The following IGSF9 variants were observed in gnomAD, a reference collection of about 807,000 sequenced individuals.
The protein encoded by IGSF9 is protein turtle homolog A.
A neutral mutation model predicts 121.7 loss-of-function variants in IGSF9; 87 were observed. The ratio of observed to expected loss-of-function variants is 0.71; its 90% CI spans 0.60 to 0.85. The LOEUF (loss-of-function observed/expected upper bound fraction) is 0.85. IGSF9 is among the 40% of genes least tolerant of loss of function. The probability of loss-of-function intolerance (pLI) is 0.00; values close to 1 mark genes in which losing one functional copy is unlikely to be tolerated. For synonymous variants in IGSF9, 640 were observed against 648.4 expected, an observed-to-expected ratio of 0.99 and a Z score of 0.20; for missense variants, 1,462 against 1,565.3, an observed-to-expected ratio of 0.93 and a Z score of 1.11.
intron 3 of IGSF9, among the ~76,000 whole-genome samples, chr1:159,940,695 A>G (rs1288611102): frequency 6.6e-6 from 1 of 152,266 alleles, no homozygotes; most frequent in Non-Finnish European, 1.5e-5. Flanking sequence ...GTGACTGGGC[A>G]GAGGATTAAG....
intron 3 of IGSF9, among the ~76,000 whole-genome samples, chr1:159,939,865 T>C (rs1430993714): frequency 6.6e-6 from 1 of 151,912 alleles, no homozygotes; most frequent in Non-Finnish European, 1.5e-5. Flanking sequence ...GCCCAGCGGG[T>C]AAATATTTAA....
Position 159,931,837 on chromosome 1 carries a change from G to C in IGSF9, c.1337C>G (p.Pro446Arg). The change falls in exon 11 of 21, where the codon CCT (proline) becomes CGT (arginine). Residue 446 changes from proline to arginine, a missense_variant. Physicochemically the swap from Pro to Arg is moderately radical, Grantham distance 103. Transcript: ENST00000368094. The surrounding 1 kb of genome is among the most constrained non-coding windows in gnomAD (Gnocchi z 4.8). ...LLIPCSAQGD[P>R]PPVVSWTKVG... ...CTTGGTCCAAGAGACAACAGGAGGAGGGTCCCCTTGGGCGGAGCAGGGGAT... is the reference window on the plus strand; with the variant it reads ...CTTGGTCCAAGAGACAACAGGAGGACGGTCCCCTTGGGCGGAGCAGGGGAT... The C allele has an allele frequency of 6.3e-7, 1 of 1,588,440 alleles. No individual in the cohort carries two copies. Among genetic ancestry groups the C allele is most frequent in the Non-Finnish European group, 8.6e-7 (1 of 1,169,296 alleles).
At chr1:159,927,965 G>T in intron 19 of IGSF9, 78 bp from the exon 20 acceptor site, 1 of 1,545,144 alleles carries the variant, frequency 6.5e-7, no homozygotes, top group South Asian at 1.2e-5. Flanking sequence ...TGAATTCAGC[G>T]ACCGCAAACT....
In IGSF9 at chr1:159,943,407, C is replaced by A; in HGVS notation, c.48G>T (p.Gln16His). The A allele has an allele frequency of 1.3e-6, 2 of 1,588,666 alleles. No individual in the cohort carries two copies. Among genetic ancestry groups the A allele is most frequent in the East Asian group, 2.3e-5 (1 of 44,000 alleles). Residue 16 changes from glutamine to histidine, a missense_variant, in exon 2 of 21, where the codon CAG becomes CAT. Gln to His is a conservative substitution (Grantham distance 24, BLOSUM62 0). Coordinates refer to ENST00000368094, the MANE Select transcript of IGSF9 (RefSeq NM_001135050.2). ...AAGAGCTCAGCTTACCGTCAGCCCCCTGGCTGATGACCAGGCTGAGGACGG... is the reference window on the plus strand; with the variant it reads ...AAGAGCTCAGCTTACCGTCAGCCCCATGGCTGATGACCAGGCTGAGGACGG... ...GLAVLSLVIS[Q>H]GADGRGKPEV...
rs1557935421 is a variant in IGSF9 at position 159,936,746 on chromosome 1, G to C, written c.555+8C>G. The C allele has an allele frequency of 6.2e-7, 1 of 1,613,970 alleles. No individual in the cohort carries two copies. The highest frequency in any genetic ancestry group is 8.5e-7 in the Non-Finnish European group (1 of 1,179,920). ...ATATGGCTCACTCTGTCCACCCCCA[G>C]GACTCACTTGCACCTGGCCCTGGCC... On this transcript the variant is annotated splice_region_variant and intron_variant, in intron 5 of 20. Coordinates refer to ENST00000368094, the MANE Select transcript of IGSF9 (RefSeq NM_001135050.2).
rs559603684 is a variant in IGSF9 at position 159,929,812 on chromosome 1, G to A, written c.2152C>T (p.Leu718=). 1.9e-6 allele frequency: 3 copies of A among 1,604,094 alleles called. No individual in the cohort carries two copies. Among genetic ancestry groups the A allele is most frequent in the Non-Finnish European group, 1.7e-6 (2 of 1,176,202 alleles). The change falls in exon 17 of 21, where the codon CTG becomes TTG. Residue 718 remains leucine, a splice_region_variant and synonymous_variant. Coordinates refer to ENST00000368094, the MANE Select transcript of IGSF9 (RefSeq NM_001135050.2). The part of the protein sequence containing the change: ...SNTANVSTSG[L]EVYPSRTQLP... ...TGCGTGCGCGAAGGGTAGACCTCCA[G>A]ACCTAGGCAGGGGTCCACGAGGGAG... is the stretch of plus-strand genomic sequence containing the variant.
rs1650938389 is a variant in IGSF9 at position 159,930,177 on chromosome 1, TTTCG to T, written c.2064+8_2064+11del. 6.3e-7 allele frequency: 1 copy of T among 1,595,894 alleles called. No homozygotes were observed. The highest frequency in any genetic ancestry group is 2.2e-5 in the East Asian group (1 of 44,594). ...CTAGGAGGCCTCTCTCTGTATCGCC[TTTCG>T]CACATACCTTGATGAGGCCTGGCAC... On this transcript the variant is annotated splice_region_variant and intron_variant, in intron 15 of 20. Transcript: ENST00000368094.
chr1:159,927,711 T>C, intron 20 of IGSF9, 49 bp downstream of exon 20: 2 of 1,598,138 alleles, frequency 1.3e-6, no homozygotes, highest in Non-Finnish European at 8.5e-7. Context: ...GGCGGGGGGA[T>C]GTGGGACAGT....
intron 3 of IGSF9, among the ~76,000 whole-genome samples, chr1:159,939,664 A>G (rs901160125): frequency 1.3e-5 from 2 of 152,224 alleles, no homozygotes; most frequent in African/African-American, 4.8e-5. Context: ...TTCTACCTCT[A>G]GAGTGATCTG....
At chr1:159,938,603 A>G (rs6703466) in intron 3 of IGSF9, among the ~76,000 whole-genome samples, 62,615 of 152,036 alleles carry the variant, frequency 0.41, 13,007 homozygotes, top group East Asian at 0.46. Flanking sequence ...GGATGCAACT[A>G]TGCACCCCAG....
In IGSF9 at chr1:159,932,419, T is replaced by A; in HGVS notation, c.1245+93A>T. The A allele has an allele frequency of 9.8e-7, 1 of 1,017,704 alleles. No individual in the cohort carries two copies. The highest frequency in any genetic ancestry group is 1.5e-6 in the Non-Finnish European group (1 of 687,002). The allele number at this position is 1,017,704 out of a possible 1,614,324, so 63.0% of individuals were successfully genotyped here. A position where few individuals can be genotyped will look rare whatever the true frequency, so the allele number is the denominator to read the frequency against. ...ACTTGGAAACCCCTCCCCATGTGTCTGCCCCACCCCACCCCCATCAGCCTG... is the reference window on the plus strand; with the variant it reads ...ACTTGGAAACCCCTCCCCATGTGTCAGCCCCACCCCACCCCCATCAGCCTG... On this transcript the variant is annotated intron_variant, in intron 10 of 20. Transcript: ENST00000368094. The surrounding 1 kb of genome is among the most constrained non-coding windows in gnomAD (Gnocchi z 4.1).
intron 1 of IGSF9, among the ~76,000 whole-genome samples, chr1:159,944,217 C>G (rs1396162268): frequency 1.3e-5 from 2 of 152,156 alleles, no homozygotes; most frequent in South Asian, 2.1e-4. Context: ...GATACAATCC[C>G]TTGTCCCATT....
At chr1:159,929,175 G>A (rs1650877973) in intron 18 of IGSF9, 157 bp from the exon 19 acceptor site, 1 of 1,293,152 alleles carries the variant, frequency 7.7e-7, no homozygotes, top group South Asian at 1.3e-5. Context: ...GGAAGGCACA[G>A]GCCATACTGG....
chr1:159,930,942 C>T, intron 13 of IGSF9, 75 bp from the exon 14 acceptor site: 1 of 1,460,368 alleles, frequency 6.8e-7, no homozygotes, highest in Non-Finnish European at 9.2e-7. Context: ...GAGATCTAAC[C>T]ACCTCCCCTC....
At chr1:159,927,931 G>T (rs1650801822) in intron 19 of IGSF9, 44 bp from the exon 20 acceptor site, 1 of 1,591,622 alleles carries the variant, frequency 6.3e-7, no homozygotes, top group African/African-American at 1.4e-5. Flanking sequence ...GTGGGTGGAG[G>T]AATAGAGGCT....
Position 159,943,073 on chromosome 1 carries a change from G to C in IGSF9, c.137C>G (p.Pro46Arg). 1 of 1,611,880 alleles carries C rather than the reference G, an allele frequency of 6.2e-7. No individual in the cohort carries two copies. The highest frequency in any genetic ancestry group is 8.5e-7 in the Non-Finnish European group (1 of 1,179,020). The change falls in exon 3 of 21, where the codon CCG (proline) becomes CGG (arginine). Residue 46 changes from proline to arginine, a missense_variant. Pro to Arg is a moderately radical substitution (Grantham distance 103). Coordinates refer to ENST00000368094, the MANE Select transcript of IGSF9 (RefSeq NM_001135050.2). ...GACATGCAGGGGGGGCCGGCCGGCCGGGGGCAGCAGGTCACAGCCCAGCAC... is the reference window on the plus strand; with the variant it reads ...GACATGCAGGGGGGGCCGGCCGGCCCGGGGCAGCAGGTCACAGCCCAGCAC... Reference protein sequence around the residue: ...SVVLGCDLLPPAGRPPLHVIE... With the variant: ...SVVLGCDLLPRAGRPPLHVIE...
chr1:159,939,043 G>A (rs1651289772), intron 3 of IGSF9, among the ~76,000 whole-genome samples: 1 of 151,910 alleles, frequency 6.6e-6, no homozygotes, highest in African/African-American at 2.4e-5. Flanking sequence ...ATATCTACTT[G>A]CTCATTAGGT....
chr1:159,937,976 G>T, intron 3 of IGSF9, 138 bp from the exon 4 acceptor site: 1 of 928,374 alleles, frequency 1.1e-6, no homozygotes, highest in Non-Finnish European at 1.6e-6. Context: ...CCAGAGAGAC[G>T]CAGATGAGGT....
Position 159,937,685 on chromosome 1 carries a change from C to A in IGSF9, c.400+1G>T. On this transcript the variant is annotated splice_donor_variant, in intron 4 of 20. Coordinates refer to ENST00000368094, the MANE Select transcript of IGSF9 (RefSeq NM_001135050.2). LOFTEE classifies it high-confidence loss of function. Reference sequence around the variant, plus strand: ...CCACCACCTGCCCCCCAGCTTCATACAATTGACTGTCAGATGCACCCAGGA... The same window carrying A: ...CCACCACCTGCCCCCCAGCTTCATAAAATTGACTGTCAGATGCACCCAGGA... 1.9e-6 allele frequency: 3 copies of A among 1,613,480 alleles called. No individual in the cohort carries two copies. Among genetic ancestry groups the A allele is most frequent in the Non-Finnish European group, 2.5e-6 (3 of 1,179,486 alleles).
Sources: allele counts gnomAD v4.1 joint callset (sites outside exome capture counted in the v4.1 genomes callset), GRCh38; gene constraint gnomAD v4.1.1; non-coding constraint Gnocchi (gnomAD v3.1); transcripts MANE v1.5; gene names NCBI Gene and HGNC (gene_info 2026-07-23, HGNC 2026-07-21).